Variants in ALG13 observed in about 807,000 individuals in gnomAD.
The protein encoded by ALG13 is UDP-N-acetylglucosamine transferase subunit ALG13.
Under a neutral mutation model 87.8 loss-of-function variants are expected in ALG13, and 11 were observed. The observed-to-expected ratio is 0.13, with a 90% CI of 0.08 to 0.21. ALG13 has a LOEUF of 0.21. Ranked by LOEUF, ALG13 falls within the 10% of genes least tolerant of loss-of-function variation. ALG13 has a pLI of 1.00. For missense variants in ALG13, 756 were observed against 866.1 expected (o/e 0.87, Z 1.60); for synonymous variants, 320 against 306.3 (o/e 1.04, Z -0.47).
At chrX:111,758,431 G>C (rs1261912796) in intron 26 of ALG13, among the ~76,000 whole-genome samples, 1 of 112,088 alleles carries the variant, frequency 8.9e-6, no homozygotes, top group Non-Finnish European at 1.9e-5. Context: ...TACAATTTTA[G>C]CTTTCAAATA....
chrX:111,691,089 CATTT>C (rs776556803), intron 3 of ALG13, among the ~76,000 whole-genome samples: 6 of 110,248 alleles, frequency 5.4e-5, no homozygotes, highest in Non-Finnish European at 9.5e-5. Flanking sequence ...CATGTAATAC[CATTT>C]ATTTATTTAT....
At chrX:111,696,818 G>A (rs1424274919) in intron 3 of ALG13, among the ~76,000 whole-genome samples, 2 of 110,872 alleles carry the variant, frequency 1.8e-5, no homozygotes, top group Admixed American at 9.6e-5. Flanking sequence ...TGTACCCAGA[G>A]ATACAGTGCT....
intron 1 of ALG13, chrX:111,681,736 C>G (rs1401099085): frequency 2.4e-6 from 2 of 832,961 alleles, no homozygotes; most frequent in Admixed American, 7.0e-5. Context: ...GAGCCCGGCT[C>G]CTTCCCCTCA....
chrX:111,722,740 TATAGG>T, intron 12 of ALG13, 48 bp from the exon 13 acceptor site: 1 of 855,135 alleles, frequency 1.2e-6, no homozygotes, highest in South Asian at 2.2e-5. Flanking sequence ...AATTAAATGA[TATAGG>T]AAAGGAACCA....
rs944669504 is a variant in ALG13 at position 111,760,526 on chromosome X, T to C, written c.*527T>C. 1.8e-4 allele frequency: 21 copies of C among 115,011 alleles called. No individual in the cohort carries two copies. Among genetic ancestry groups the C allele is most frequent in the African/African-American group, 6.8e-4 (21 of 31,031 alleles). The allele number at this position is 115,011 out of a possible 1,213,427, so 9.5% of individuals were successfully genotyped here. A position where few individuals can be genotyped will look rare whatever the true frequency, so the allele number is the denominator to read the frequency against. ...TTTGAAGGCACATGGTTCTCTGCTT[T>C]AGATTTATCCCATATGCTATTGTTT... On this transcript the variant is annotated 3_prime_UTR_variant, in exon 27 of 27. Transcript: ENST00000394780.
At chrX:111,706,117 T>A (rs778810014) in intron 3 of ALG13, among the ~76,000 whole-genome samples, 2 of 109,954 alleles carry the variant, frequency 1.8e-5, no homozygotes, top group South Asian at 7.9e-4. Flanking sequence ...TGCAGTGGTG[T>A]GATCTCGGCT....
chrX:111,728,779 A>G (rs1441296344), intron 19 of ALG13, among the ~76,000 whole-genome samples: 1 of 109,833 alleles, frequency 9.1e-6, no homozygotes, highest in Non-Finnish European at 1.9e-5. Context: ...CGTGATACCC[A>G]CTCTACTAAG....
At chrX:111,694,756 G>A (rs1456407876) in intron 3 of ALG13, among the ~76,000 whole-genome samples, 1 of 111,975 alleles carries the variant, frequency 8.9e-6, no homozygotes, top group African/African-American at 3.3e-5. Flanking sequence ...CTGCCAGTGT[G>A]AAGTGAGGGG....
chrX:111,712,598 C>A, intron 7 of ALG13, 68 bp downstream of exon 7: 2 of 642,725 alleles, frequency 3.1e-6, no homozygotes, highest in Non-Finnish European at 4.6e-6. Flanking sequence ...TCTCAACGGT[C>A]TCTTCAGGAT....
chrX:111,681,859 C>G (rs1450101186), intron 1 of ALG13: 4 of 897,219 alleles, frequency 4.5e-6, no homozygotes, highest in Non-Finnish European at 2.7e-6. Flanking sequence ...TGGGTTCCCC[C>G]CGAGTTTGCG....
intron 2 of ALG13, among the ~76,000 whole-genome samples, chrX:111,683,228 G>A (rs757041114): frequency 2.7e-5 from 3 of 110,422 alleles, no homozygotes; most frequent in Admixed American, 9.7e-5. Context: ...CACAAGAGTG[G>A]TTAAGTAATT....
At chrX:111,751,066 C>CT (rs58149728) in intron 24 of ALG13, among the ~76,000 whole-genome samples, 759 of 74,369 alleles carry the variant, frequency 0.01, 8 homozygotes, top group East Asian at 0.02. Context: ...ATAAGCATAA[C>CT]TTTTTTTTTT....
At chrX:111,738,189 T>C (rs1288886179) in intron 23 of ALG13, among the ~76,000 whole-genome samples, 1 of 112,200 alleles carries the variant, frequency 8.9e-6, no homozygotes, top group African/African-American at 3.2e-5. Context: ...CCTGAGGTGA[T>C]AGAACTCAGG....
At chrX:111,721,543 C>T (rs940280130) in intron 11 of ALG13, 60 bp from the exon 12 acceptor site, 5 of 585,749 alleles carry the variant, frequency 8.5e-6, no homozygotes, top group Admixed American at 3.3e-5. Flanking sequence ...TTAATTCTTC[C>T]TTCTTCATAG....
At chrX:111,743,737 G>A (rs756286244) in intron 23 of ALG13, 3 of 111,670 alleles carry the variant, frequency 2.7e-5, no homozygotes, top group South Asian at 3.7e-4. Context: ...TAAACTCAGT[G>A]TGCTAAAACT....
rs757147855 is a variant in ALG13, at chrX:111,728,250, T to C, written c.2313T>C (p.His771=). The change falls in exon 19 of 27, where the codon CAT becomes CAC. Residue 771 remains histidine, a synonymous_variant. Coordinates refer to ENST00000394780, the MANE Select transcript of ALG13 (RefSeq NM_001099922.3). ...GATACTGTGTTGGAAGGCGGGGACA[T>C]AGCTCAGGCAAACAGACTTTGAATT... ...TSGYCVGRRG[H]SSGKQTLNLE... 1.7e-6 allele frequency: 2 copies of C among 1,211,592 alleles called. No homozygotes were observed. Among genetic ancestry groups the C allele is most frequent in the South Asian group, 3.5e-5 (2 of 56,976 alleles).
At chrX:111,716,535 C>T (rs768371986) in intron 8 of ALG13, among the ~76,000 whole-genome samples, 1 of 112,374 alleles carries the variant, frequency 8.9e-6, no homozygotes, top group Admixed American at 9.5e-5. Context: ...AAAATCTGCT[C>T]ACTGTTCTTA....
chrX:111,746,079 A>G (rs1227417401), intron 24 of ALG13, among the ~76,000 whole-genome samples: 1 of 111,539 alleles, frequency 9.0e-6, no homozygotes, highest in African/African-American at 3.3e-5. Flanking sequence ...CTATTAATCC[A>G]TCTTCTTTTT....
Position 111,760,168 on chromosome X carries a change from GTAT to G in ALG13, c.*174_*176del. On this transcript the variant is annotated 3_prime_UTR_variant, in exon 27 of 27. Transcript: ENST00000394780. ...TAAAATAGTACTTTAAAATTAAGGG[GTAT>G]TATTTTGGGCTGTGACTAAGGAAAT... is the stretch of plus-strand genomic sequence containing the variant. 1.7e-6 allele frequency: 1 copy of G among 576,508 alleles called. No homozygotes were observed. The highest frequency in any genetic ancestry group is 3.9e-5 in the South Asian group (1 of 25,918). 47.5% of individuals were successfully genotyped at this position (576,508 alleles called of 1,213,427 possible).
Sources: allele counts gnomAD v4.1 joint callset (sites outside exome capture counted in the v4.1 genomes callset), GRCh38; gene constraint gnomAD v4.1.1; transcripts MANE v1.5; gene names NCBI Gene and HGNC (gene_info 2026-07-23, HGNC 2026-07-21).